Variants in DKK2 observed in about 807,000 individuals in gnomAD.
DKK2 encodes the protein dickkopf Wnt signaling pathway inhibitor 2.
A neutral mutation model predicts 28.1 loss-of-function variants in DKK2; 11 were observed. That is an observed-to-expected ratio of 0.39 (90% CI 0.25 to 0.65). The LOEUF is 0.65. DKK2 is among the 30% of genes least tolerant of loss of function. The probability of loss-of-function intolerance (pLI) is 0.47; values close to 1 mark genes in which losing one functional copy is unlikely to be tolerated. For synonymous variants in DKK2, 135 were observed against 126.5 expected (o/e 1.07, Z -0.45); for missense variants, 326 against 335.5 (o/e 0.97, Z 0.22).
chr4:107,020,632 ATAT>A (rs1723676749), intron 1 of DKK2, among the ~76,000 whole-genome samples: 1 of 152,134 alleles, frequency 6.6e-6, no homozygotes, highest in African/African-American at 2.4e-5. Flanking sequence ...GGTACAAGTA[ATAT>A]TATGATTATT....
chr4:106,972,488 G>A (rs1291639825), intron 1 of DKK2, among the ~76,000 whole-genome samples: 1 of 151,696 alleles, frequency 6.6e-6, no homozygotes, highest in Non-Finnish European at 1.5e-5. Context: ...GACAAGGAGG[G>A]TAAGATATAT....
intron 3 of DKK2, 114 bp downstream of exon 3, chr4:106,924,431 C>T: frequency 1.5e-6 from 2 of 1,364,032 alleles, no homozygotes; most frequent in East Asian, 2.5e-5. Flanking sequence ...TAATGACTAG[C>T]TAGGATTAAA....
intron 1 of DKK2, among the ~76,000 whole-genome samples, chr4:107,004,426 G>A (rs935538558): frequency 6.6e-6 from 1 of 152,188 alleles, no homozygotes; most frequent in Non-Finnish European, 1.5e-5. Context: ...GGATGACTTA[G>A]ACCAAAGCTC....
intron 1 of DKK2, among the ~76,000 whole-genome samples, chr4:106,985,120 A>G (rs1204456691): frequency 1.3e-5 from 2 of 151,704 alleles, no homozygotes; most frequent in Admixed American, 6.6e-5. Context: ...GAGGCAGGAG[A>G]ATGGTGTAAA....
chr4:107,023,686 C>G (rs573269282), intron 1 of DKK2, among the ~76,000 whole-genome samples: 1 of 152,102 alleles, frequency 6.6e-6, no homozygotes, highest in South Asian at 2.1e-4. Flanking sequence ...ATTTACCACA[C>G]TAATGCAAAC....
intron 1 of DKK2, among the ~76,000 whole-genome samples, chr4:107,031,355 T>G (rs1247967457): frequency 6.6e-6 from 1 of 151,988 alleles, no homozygotes; most frequent in South Asian, 2.1e-4. Context: ...TATTAGAGTA[T>G]ATAGTTTATT....
Position 106,979,233 on chromosome 4 carries a change from A to G in DKK2, c.223-53284T>C, listed in dbSNP as rs79151302. On this transcript the variant is annotated intron_variant, in intron 1 of 3. Coordinates refer to ENST00000285311, the MANE Select transcript of DKK2 (RefSeq NM_014421.3). Reference sequence around the variant, plus strand: ...TCCAGTTGTAGGATATTATATTCATATATTTTCACCCATTACCTCATTAAA... The same window carrying G: ...TCCAGTTGTAGGATATTATATTCATGTATTTTCACCCATTACCTCATTAAA... Among the ~76,000 whole-genome samples the G allele has an allele frequency of 3.4e-3, 525 of 152,204 alleles. 4 individuals are homozygous for G. Among genetic ancestry groups the G allele is most frequent in the African/African-American group, 0.012 (500 of 41,528 alleles).
intron 1 of DKK2, among the ~76,000 whole-genome samples, chr4:106,979,086 T>C (rs953394398): frequency 6.6e-6 from 1 of 151,974 alleles, no homozygotes; most frequent in African/African-American, 2.4e-5. Context: ...TGTTTTTTTT[T>C]CAGAATTTAT....
intron 1 of DKK2, among the ~76,000 whole-genome samples, chr4:107,008,914 C>A (rs992078475): frequency 1.1e-4 from 16 of 151,876 alleles, no homozygotes; most frequent in South Asian, 6.2e-4. Context: ...GACATAGAAA[C>A]GTAATCAAAA....
chr4:106,992,759 C>T (rs1336982799), intron 1 of DKK2, among the ~76,000 whole-genome samples: 2 of 152,154 alleles, frequency 1.3e-5, no homozygotes, highest in African/African-American at 4.8e-5. Context: ...CAGAGTGTAG[C>T]AGAGGGAGAT....
At chr4:106,964,412 T>C (rs1357453411) in intron 1 of DKK2, among the ~76,000 whole-genome samples, 1 of 152,100 alleles carries the variant, frequency 6.6e-6, no homozygotes, top group Non-Finnish European at 1.5e-5. Flanking sequence ...AAAATGATGT[T>C]TAGACAGAAG....
At chr4:106,926,922 G>C (rs1440027056) in intron 1 of DKK2, among the ~76,000 whole-genome samples, 2 of 152,132 alleles carry the variant, frequency 1.3e-5, no homozygotes, top group East Asian at 3.9e-4. Context: ...TGTGTTCAAA[G>C]ACTGGAAGTT....
chr4:106,971,095 G>A (rs1722862125), intron 1 of DKK2, among the ~76,000 whole-genome samples: 1 of 152,026 alleles, frequency 6.6e-6, no homozygotes, highest in South Asian at 2.1e-4. Context: ...GTGTGCAAAT[G>A]TTTTCTAGCT....
At chr4:107,031,337 T>C (rs1214650465) in intron 1 of DKK2, among the ~76,000 whole-genome samples, 1 of 151,960 alleles carries the variant, frequency 6.6e-6, no homozygotes, top group African/African-American at 2.4e-5. Flanking sequence ...AAGAGATCCC[T>C]TACCGAATAT....
chr4:107,031,644 A>G (rs563612286), intron 1 of DKK2, among the ~76,000 whole-genome samples: 1 of 152,176 alleles, frequency 6.6e-6, no homozygotes, highest in African/African-American at 2.4e-5. Context: ...AAATATAACT[A>G]TAAATATCAC....
At chr4:106,935,588 G>T (rs1471863463) in intron 1 of DKK2, among the ~76,000 whole-genome samples, 1 of 152,210 alleles carries the variant, frequency 6.6e-6, no homozygotes, top group Non-Finnish European at 1.5e-5. Flanking sequence ...AAGCAGCCTG[G>T]AAGCTCCAAC....
chr4:107,033,246 TAAGTA>T, intron 1 of DKK2, among the ~76,000 whole-genome samples: 1 of 152,274 alleles, frequency 6.6e-6, no homozygotes, highest in South Asian at 2.1e-4. Flanking sequence ...GGATTCCAGT[TAAGTA>T]AATATAATAA....
At chr4:107,022,843 G>T (rs950071916) in intron 1 of DKK2, among the ~76,000 whole-genome samples, 4 of 152,086 alleles carry the variant, frequency 2.6e-5, no homozygotes, top group Non-Finnish European at 4.4e-5. Context: ...CAGTATAATT[G>T]CTTTGGAGGA....
intron 1 of DKK2, among the ~76,000 whole-genome samples, chr4:106,988,540 T>A (rs550918747): frequency 2.0e-5 from 3 of 152,338 alleles, no homozygotes; most frequent in South Asian, 2.1e-4. Context: ...TAGTGTTTAA[T>A]GTCATGCAGC....
Sources: gnomAD v4.1 joint callset for allele counts (sites outside exome capture counted in the v4.1 genomes callset) on GRCh38, gnomAD v4.1.1 for gene constraint, MANE v1.5 for transcripts, NCBI Gene and HGNC (gene_info 2026-07-23, HGNC 2026-07-21) for gene names.